ABCD4: variants seen among roughly 807,000 people sequenced by gnomAD.
ABCD4 encodes ATP binding cassette subfamily D member 4, also known as lysosomal cobalamin transporter ABCD4.
A neutral mutation model predicts 86.3 loss-of-function variants in ABCD4; 53 were observed. The ratio of observed to expected loss-of-function variants is 0.61; its 90% CI spans 0.49 to 0.77. ABCD4 has a LOEUF of 0.77. Among genes scored for constraint, ABCD4 ranks in the 30% least tolerant of loss-of-function variants. The probability of loss-of-function intolerance (pLI) is 0.00; values close to 1 mark genes in which losing one functional copy is unlikely to be tolerated. For synonymous variants in ABCD4, 328 were observed against 313.6 expected (o/e 1.05, Z -0.49); for missense variants, 757 against 764.5 (o/e 0.99, Z 0.12).
intron 2 of ABCD4, 34 bp from the exon 3 acceptor site, chr14:74,299,709 T>A: frequency 1.9e-6 from 3 of 1,593,694 alleles, no homozygotes; most frequent in Non-Finnish European, 2.6e-6. Flanking sequence ...AAATCAGTGA[T>A]GAGGGGTTAA....
chr14:74,294,134 C>G (rs1316097597), intron 7 of ABCD4: 1 of 151,958 alleles, frequency 6.6e-6, no homozygotes, highest in Non-Finnish European at 1.5e-5. Flanking sequence ...CTTACTGCAA[C>G]CTCTGCCTCC....
At position 74,295,904 on chromosome 14, in the gene ABCD4, GC is replaced by G; in HGVS notation, c.617del (p.Gly206AlafsTer4). The G allele has an allele frequency of 6.2e-7, 1 of 1,613,082 alleles. No individual in the cohort carries two copies. Among genetic ancestry groups the G allele is most frequent in the Non-Finnish European group, 8.5e-7 (1 of 1,179,804 alleles). On this transcript the variant is annotated frameshift_variant, in exon 6 of 19. Coordinates refer to ENST00000356924, the MANE Select transcript of ABCD4 (RefSeq NM_005050.4). LOFTEE classifies it high-confidence loss of function. ...GATGCACCAGCTTCATCACAATGGG[GC>G]CCATCAAAGTTTTGTTCACCACGGT... is the stretch of plus-strand genomic sequence containing the variant. ...LGTVVNKTLMGPIVMKLVHQE... is the reference protein window; with the variant it reads ...LGTVVNKTLMXPIVMKLVHQE...
rs1309815343 is a variant in ABCD4, at chr14:74,290,326, A to G, written c.1292T>C (p.Leu431Pro). 2.3e-5 allele frequency: 37 copies of G among 1,613,962 alleles called. No individual in the cohort carries two copies. The highest frequency in any genetic ancestry group is 3.1e-5 in the Non-Finnish European group (36 of 1,180,006). Residue 431 changes from leucine to proline, a missense_variant, in exon 12 of 19, where the codon CTC (leucine) becomes CCC (proline). Transcript: ENST00000356924. ...CGTCCAGAGGCCACCCAGAACCCGG[A>G]GCAAGGAGGTCTTGCCAGTGCCCGT... is the stretch of plus-strand genomic sequence containing the variant. Reference protein sequence around the residue: ...GNTGTGKTSLLRVLGGLWTST... With the variant: ...GNTGTGKTSLPRVLGGLWTST...
At chr14:74,299,336 A>G in intron 3 of ABCD4, 2 of 538,382 alleles carry the variant, frequency 3.7e-6, no homozygotes, top group South Asian at 4.3e-5. Flanking sequence ...GCCTGGGCCC[A>G]GGAGTGGAAA....
At position 74,295,897 on chromosome 14, in the gene ABCD4, C is replaced by A. The variant is rs770737148; in HGVS notation, c.625G>T (p.Val209Leu). 6.2e-7 allele frequency: 1 copy of A among 1,613,162 alleles called. No individual in the cohort carries two copies. Among genetic ancestry groups the A allele is most frequent in the Non-Finnish European group, 8.5e-7 (1 of 1,179,820 alleles). ...TTCTCCTGATGCACCAGCTTCATCACAATGGGGCCCATCAAAGTTTTGTTC... is the reference window on the plus strand; with the variant it reads ...TTCTCCTGATGCACCAGCTTCATCAAAATGGGGCCCATCAAAGTTTTGTTC... Reference protein sequence around the residue: ...VVNKTLMGPIVMKLVHQEKLE... With the variant: ...VVNKTLMGPILMKLVHQEKLE... The change falls in exon 6 of 19, where the codon GTG (valine) becomes TTG (leucine). Residue 209 changes from valine (V) to leucine (L), a missense_variant. Physicochemically the swap from Val to Leu is conservative, Grantham distance 32. Transcript: ENST00000356924.
intron 13 of ABCD4, chr14:74,289,794 T>C: frequency 7.0e-7 from 1 of 1,436,804 alleles, no homozygotes; most frequent in South Asian, 1.5e-5. Context: ...GTGTGGTATT[T>C]GGCGTGAGTC....
At position 74,290,349 on chromosome 14, in the gene ABCD4, C is replaced by T. The variant is rs774344504; in HGVS notation, c.1269G>A (p.Thr423=). The T allele has an allele frequency of 1.7e-5, 27 of 1,614,032 alleles. No homozygotes were observed. The highest frequency in any genetic ancestry group is 1.6e-4 in the Middle Eastern group (1 of 6,084). ...EGQSLLITGN[T]GTGKTSLLRV... Reference sequence around the variant, plus strand: ...GGAGCAAGGAGGTCTTGCCAGTGCCCGTGTTGCCTGTGATGAGCAGGCTCT... The same window carrying T: ...GGAGCAAGGAGGTCTTGCCAGTGCCTGTGTTGCCTGTGATGAGCAGGCTCT... The change falls in exon 12 of 19, where the codon ACG becomes ACA. Residue 423 remains threonine (T), a synonymous_variant. Transcript: ENST00000356924.
chr14:74,291,554 G>A (rs1274228652), intron 11 of ABCD4, among the ~76,000 whole-genome samples: 1 of 152,198 alleles, frequency 6.6e-6, no homozygotes, highest in Non-Finnish European at 1.5e-5. Context: ...TGGATGCCTG[G>A]CTCCCCACAG....
Position 74,286,337 on chromosome 14 carries a change from C to T in ABCD4, c.*124G>A. 2.0e-6 allele frequency: 2 copies of T among 1,007,814 alleles called. No individual in the cohort carries two copies. Among genetic ancestry groups the T allele is most frequent in the Non-Finnish European group, 3.1e-6 (2 of 652,370 alleles). The allele number at this position is 1,007,814 out of a possible 1,614,324, so 62.4% of individuals were successfully genotyped here. ...ACTGCTAGGGGTCCTGCACAGGACCCATGTGGCTCCTGCACGGGATCTATG... is the reference window on the plus strand; with the variant it reads ...ACTGCTAGGGGTCCTGCACAGGACCTATGTGGCTCCTGCACGGGATCTATG... On this transcript the variant is annotated 3_prime_UTR_variant, in exon 19 of 19. Coordinates refer to ENST00000356924, the MANE Select transcript of ABCD4 (RefSeq NM_005050.4).
rs1051295024 is a variant in ABCD4, at chr14:74,285,872, A to G, written c.*589T>C. 2 of 152,204 alleles carry G rather than the reference A, an allele frequency of 1.3e-5. No individual in the cohort carries two copies. The highest frequency in any genetic ancestry group is 4.8e-5 in the African/African-American group (2 of 41,380). The allele number at this position is 152,204 out of a possible 1,614,324, so 9.4% of individuals were successfully genotyped here. A position where few individuals can be genotyped will look rare whatever the true frequency, so the allele number is the denominator to read the frequency against. On this transcript the variant is annotated 3_prime_UTR_variant, in exon 19 of 19. Transcript: ENST00000356924. ...AGGGAGATGTGGGGAGAAGTGAAAA[A>G]CCCTGGGCATAAGATTCCAGAACAG...
intron 4 of ABCD4, chr14:74,296,727 C>G (rs2082969614): frequency 1.0e-5 from 4 of 382,576 alleles, no homozygotes; most frequent in Non-Finnish European, 1.9e-5. Context: ...CCTGAGCCAG[C>G]TCTGAGCAGA....
chr14:74,296,717 C>T, intron 4 of ABCD4: 1 of 432,784 alleles, frequency 2.3e-6, no homozygotes, highest in East Asian at 4.4e-5. Flanking sequence ...TACCCAGGGG[C>T]CTGAGCCAGC....
chr14:74,302,756 A>G, intron 1 of ABCD4, 119 bp downstream of exon 1: 1 of 1,184,260 alleles, frequency 8.4e-7, no homozygotes, highest in Non-Finnish European at 1.1e-6. Context: ...TTCTCTCAGA[A>G]GTCACGGGGG....
rs1265998124 is a variant in ABCD4 at position 74,300,301 on chromosome 14, C to A, written c.39-33G>T. 7.0e-6 allele frequency: 10 copies of A among 1,430,620 alleles called. 1 individual carries two copies. The South Asian group carries it at 1.0e-4, about 15-fold the overall frequency. 88.6% of individuals were successfully genotyped at this position (1,430,620 alleles called of 1,614,324 possible). On this transcript the variant is annotated intron_variant, in intron 1 of 18. Coordinates refer to ENST00000356924, the MANE Select transcript of ABCD4 (RefSeq NM_005050.4). ...GAAGGTGGGGAGGCAGAGAAAAGCCCAAGACAATAATTAAGCCTTAGGGAG... is the reference window on the plus strand; with the variant it reads ...GAAGGTGGGGAGGCAGAGAAAAGCCAAAGACAATAATTAAGCCTTAGGGAG...
In ABCD4 at chr14:74,291,791, A is replaced by C. The variant is rs191253645; in HGVS notation, c.1118+496T>G. 6.9e-3 allele frequency among the ~76,000 whole-genome samples: 1,055 copies of C among 152,358 alleles called. 6 individuals carry two copies. The highest frequency in any genetic ancestry group is 7.9e-3 in the Non-Finnish European group (537 of 68,038). On this transcript the variant is annotated intron_variant, in intron 11 of 18. Coordinates refer to ENST00000356924, the MANE Select transcript of ABCD4 (RefSeq NM_005050.4). ...GATATCTAATCCCTACAACAAGTGA[A>C]GGAAGTTCATTATGACCTCCTTTTC...
At chr14:74,289,714 AG>A (rs2080932398) in intron 13 of ABCD4, 195 bp from the exon 14 acceptor site, 2 of 1,438,270 alleles carry the variant, frequency 1.4e-6, no homozygotes, top group Admixed American at 2.8e-5. Context: ...AAGTGTGTTT[AG>A]GGGGAACAGT....
chr14:74,287,187 G>A (rs532146726), intron 17 of ABCD4, among the ~76,000 whole-genome samples: 1 of 152,260 alleles, frequency 6.6e-6, no homozygotes, highest in South Asian at 2.1e-4. Flanking sequence ...TTCATTTGAT[G>A]GTGGAGCCAG....
chr14:74,295,801 C>T lies in ABCD4; in HGVS notation c.668+53G>A. On this transcript the variant is annotated intron_variant, in intron 6 of 18. Transcript: ENST00000356924. ...ACTTAGGCAGTTTTACTCCAGATCC[C>T]CTTCCTTAACTATTATGCCCCAGCC... 2.5e-6 allele frequency: 4 copies of T among 1,605,914 alleles called. No individual in the cohort carries two copies. In the South Asian group the frequency reaches 3.3e-5, roughly 13 times the overall value.
intron 12 of ABCD4, 70 bp from the exon 13 acceptor site, chr14:74,290,188 T>C (rs1016529457): frequency 1.2e-6 from 2 of 1,610,960 alleles, no homozygotes; most frequent in Non-Finnish European, 1.7e-6. Context: ...CCTCTCTTCC[T>C]TGTTCCCCAA....
Sources: gnomAD v4.1 joint callset for allele counts (sites outside exome capture counted in the v4.1 genomes callset) on GRCh38, gnomAD v4.1.1 for gene constraint, MANE v1.5 for transcripts, NCBI Gene and HGNC (gene_info 2026-07-23, HGNC 2026-07-21) for gene names.